The following NUP35 variants were observed in gnomAD, a reference collection of about 807,000 sequenced individuals.
NUP35 encodes nucleoporin NUP35.
A neutral mutation model predicts 41.5 loss-of-function variants in NUP35; 25 were observed. That is an observed-to-expected ratio of 0.60 (90% CI 0.44 to 0.84). NUP35 has a LOEUF of 0.84. NUP35 is among the 40% of genes least tolerant of loss of function. The pLI is 0.00. For synonymous variants in NUP35, 149 were observed against 130.7 expected (o/e 1.14, Z -0.96); for missense variants, 396 against 396.6 (o/e 1.00, Z 0.01).
At chr2:183,147,726 G>C (rs1302277161) in intron 4 of NUP35, among the ~76,000 whole-genome samples, 1 of 152,098 alleles carries the variant, frequency 6.6e-6, no homozygotes, top group African/African-American at 2.4e-5. Context: ...AATGATGTTG[G>C]TTATTTGATA....
chr2:183,155,322 A>G lies in NUP35; in HGVS notation c.540-2122A>G, dbSNP rs148605134. 1.0e-2 allele frequency among the ~76,000 whole-genome samples: 1,520 copies of G among 152,364 alleles called. 32 individuals carry two copies. The highest frequency in any genetic ancestry group is 0.035 in the African/African-American group (1,453 of 41,572). On this transcript the variant is annotated intron_variant, in intron 5 of 8. Transcript: ENST00000295119. Reference sequence around the variant, plus strand: ...TTCAAAAGGTATGTAAGAATGTACAATGAAGTTTTCCCTTTTGCTTTTGTC... The same window carrying G: ...TTCAAAAGGTATGTAAGAATGTACAGTGAAGTTTTCCCTTTTGCTTTTGTC...
intron 6 of NUP35, 105 bp downstream of exon 6, chr2:183,157,618 T>G (rs1685716781): frequency 1.2e-6 from 1 of 817,392 alleles, no homozygotes; most frequent in South Asian, 1.6e-5. Flanking sequence ...AAACTTAAAT[T>G]TTTTTTTGAG....
intron 3 of NUP35, among the ~76,000 whole-genome samples, 161 bp from the exon 4 acceptor site, chr2:183,133,405 G>A (rs1266944044): frequency 2.0e-5 from 3 of 148,430 alleles, no homozygotes; most frequent in Non-Finnish European, 4.4e-5. Flanking sequence ...GGTTAATACT[G>A]TTTAACTTAT....
intron 4 of NUP35, among the ~76,000 whole-genome samples, chr2:183,147,114 A>T (rs1393708064): frequency 1.3e-5 from 2 of 151,842 alleles, no homozygotes; most frequent in Admixed American, 1.3e-4. Context: ...CCTTTGTTGG[A>T]TGCATACTTT....
At chr2:183,139,162 G>A (rs773984735) in intron 4 of NUP35, among the ~76,000 whole-genome samples, 31 of 151,364 alleles carry the variant, frequency 2.0e-4, no homozygotes, top group Non-Finnish European at 3.4e-4. Flanking sequence ...TAAGAGAGCC[G>A]CTAAAGTGTA....
At chr2:183,158,479 T>C in intron 7 of NUP35, 68 bp downstream of exon 7, 4 of 1,397,474 alleles carry the variant, frequency 2.9e-6, no homozygotes, top group Non-Finnish European at 3.8e-6. Context: ...AGGATTGAAA[T>C]TGGTCGTTGT....
upstream of NUP35, among the ~76,000 whole-genome samples, chr2:183,122,717 A>G (rs1364500969): frequency 2.0e-5 from 3 of 152,166 alleles, no homozygotes; most frequent in African/African-American, 4.8e-5. Flanking sequence ...CAGCCTCCCA[A>G]GGTGCTGGGA....
At position 183,138,269 on chromosome 2, in the gene NUP35, A is replaced by ATATATTTTTT; in HGVS notation, c.397+4647_397+4648insATATTTTTTT. On this transcript the variant is annotated intron_variant, in intron 4 of 8. Transcript: ENST00000295119. ...GCTATATATATATATATATATATAT[A>ATATATTTTTT]TTTTTTTTTTTTTTTAGCTCCTGTA... 2.2e-3 allele frequency among the ~76,000 whole-genome samples: 176 copies of ATATATTTTTT among 80,620 alleles called. 1 individual carries two copies. Among genetic ancestry groups the ATATATTTTTT allele is most frequent in the African/African-American group, 9.4e-3 (152 of 16,110 alleles). The allele number at this position is 80,620 out of a possible 152,430, so 52.9% of individuals were successfully genotyped here.
intron 1 of NUP35, among the ~76,000 whole-genome samples, chr2:183,127,947 G>C (rs999489308): frequency 2.0e-5 from 3 of 151,936 alleles, no homozygotes; most frequent in Non-Finnish European, 4.4e-5. Context: ...GGTGGTGCAG[G>C]CCTGTAGACT....
At chr2:183,155,411 A>G (rs971823305) in intron 5 of NUP35, among the ~76,000 whole-genome samples, 4 of 152,098 alleles carry the variant, frequency 2.6e-5, no homozygotes, top group Non-Finnish European at 5.9e-5. Flanking sequence ...ATGTTTCCAG[A>G]GAGATTTTAT....
intron 1 of NUP35, among the ~76,000 whole-genome samples, chr2:183,119,422 G>C (rs1559138073): frequency 6.6e-6 from 1 of 152,172 alleles, no homozygotes; most frequent in Non-Finnish European, 1.5e-5. Flanking sequence ...AGCAAAGTGA[G>C]GTGAAGAGAT....
chr2:183,128,723 T>C (rs1684589855), intron 2 of NUP35, among the ~76,000 whole-genome samples: 1 of 152,132 alleles, frequency 6.6e-6, no homozygotes. Flanking sequence ...TGGGACAAGC[T>C]TGTGCTAGAA....
chr2:183,130,099 A>G (rs1335411771), intron 2 of NUP35, among the ~76,000 whole-genome samples: 1 of 152,178 alleles, frequency 6.6e-6, no homozygotes, highest in Non-Finnish European at 1.5e-5. Flanking sequence ...AGAGTGAGCA[A>G]AAGTTACATG....
intron 4 of NUP35, among the ~76,000 whole-genome samples, chr2:183,143,305 A>C (rs1243374431): frequency 6.8e-6 from 1 of 147,162 alleles, no homozygotes; most frequent in Non-Finnish European, 1.5e-5. Context: ...CCCCTCTATC[A>C]TTGCTGGTGA....
At position 183,157,511 on chromosome 2, in the gene NUP35, G is replaced by C; in HGVS notation, c.607G>C (p.Val203Leu). 1 of 1,601,094 alleles carries C rather than the reference G, an allele frequency of 6.2e-7. No individual in the cohort carries two copies. ...ACAGTATGGGAATATCTTAAAACAT[G>C]TGGTAAGGCTTAATTTTTTTCAGTT... ...FAQYGNILKH[V>L]MSNTGNWMHI... is the part of the protein sequence containing the mutation. Residue 203 changes from valine (V) to leucine (L), a missense_variant and splice_region_variant, in exon 6 of 9, where the codon GTG becomes CTG. By Grantham distance (32) the Val-to-Leu change is conservative. Transcript: ENST00000295119.
intron 3 of NUP35, among the ~76,000 whole-genome samples, chr2:183,132,808 T>G (rs1389384125): frequency 6.6e-6 from 1 of 152,190 alleles, no homozygotes; most frequent in East Asian, 1.9e-4. Context: ...TTTGCTCAGT[T>G]TGCTTTCTAA....
At chr2:183,159,130 T>C (rs2105622593) in intron 7 of NUP35, among the ~76,000 whole-genome samples, 1 of 152,302 alleles carries the variant, frequency 6.6e-6, no homozygotes, top group East Asian at 1.9e-4. Context: ...AGAAGAATAT[T>C]TGGGGTAACT....
intron 5 of NUP35, among the ~76,000 whole-genome samples, chr2:183,156,958 T>G (rs918714657): frequency 6.6e-6 from 1 of 152,196 alleles, no homozygotes; most frequent in African/African-American, 2.4e-5. Context: ...TTCTATACCA[T>G]AAATATTTTG....
chr2:183,118,867 A>C (rs1308180320), intron 1 of NUP35: 7 of 152,206 alleles, frequency 4.6e-5, no homozygotes, highest in Admixed American at 4.6e-4. Context: ...ACATGTTGGC[A>C]TACTTCTGGC....
Sources: gnomAD v4.1 joint callset for allele counts (sites outside exome capture counted in the v4.1 genomes callset) on GRCh38, gnomAD v4.1.1 for gene constraint, MANE v1.5 for transcripts, NCBI Gene and HGNC (gene_info 2026-07-23, HGNC 2026-07-21) for gene names.